The following SLC4A4 variants were observed in gnomAD, a reference collection of about 807,000 sequenced individuals.
The protein encoded by SLC4A4 is solute carrier family 4 member 4.
Under a neutral mutation model 111.5 loss-of-function variants are expected in SLC4A4, and 27 were observed. That is an observed-to-expected ratio of 0.24 (90% confidence interval 0.18 to 0.33). The LOEUF (loss-of-function observed/expected upper bound fraction) is 0.33. SLC4A4 is among the 10% of genes least tolerant of loss of function. The pLI, the probability that SLC4A4 is intolerant of heterozygous loss-of-function variation, is 1.00. For missense variants in SLC4A4, 909 were observed against 1,315.5 expected (o/e 0.69, Z 4.78); for synonymous variants, 443 against 463.4 (o/e 0.96, Z 0.57).
intron 3 of SLC4A4, among the ~76,000 whole-genome samples, chr4:71,335,838 A>T (rs1728396649): frequency 6.6e-6 from 1 of 151,966 alleles, no homozygotes; most frequent in African/African-American, 2.4e-5. Flanking sequence ...AAAAAAAAAA[A>T]TTTCTAATCA....
At chr4:71,089,329 G>T (rs546314761) in intron 1 of SLC4A4, among the ~76,000 whole-genome samples, 33 of 151,948 alleles carry the variant, frequency 2.2e-4, no homozygotes, top group African/African-American at 7.7e-4. Flanking sequence ...TAACTTCTTT[G>T]CCATGGGTTC....
chr4:71,407,315 G>A (rs1402491379), intron 7 of SLC4A4, among the ~76,000 whole-genome samples: 4 of 152,148 alleles, frequency 2.6e-5, no homozygotes, highest in Admixed American at 2.0e-4. Flanking sequence ...AATACTCAAT[G>A]TTATGTGCTG....
intron 1 of SLC4A4, among the ~76,000 whole-genome samples, chr4:71,070,741 G>A (rs938336483): frequency 1.3e-5 from 2 of 152,134 alleles, no homozygotes; most frequent in Admixed American, 1.3e-4. Flanking sequence ...AAAAGAAATC[G>A]AGGACATTTA....
chr4:71,228,070 A>G (rs570600939), intron 1 of SLC4A4, among the ~76,000 whole-genome samples: 1 of 152,288 alleles, frequency 6.6e-6, no homozygotes, highest in African/African-American at 2.4e-5. Flanking sequence ...CTGAGGAGTC[A>G]TGAATGAAGT....
chr4:71,506,917 C>T (rs1345643562), intron 16 of SLC4A4, among the ~76,000 whole-genome samples: 1 of 152,000 alleles, frequency 6.6e-6, no homozygotes, highest in African/African-American at 2.4e-5. Flanking sequence ...TCCTATGAGC[C>T]AGAAGAGATT....
chr4:71,526,135 C>A (rs1332395646), intron 16 of SLC4A4, among the ~76,000 whole-genome samples: 1 of 151,938 alleles, frequency 6.6e-6, no homozygotes, highest in African/African-American at 2.4e-5. Flanking sequence ...GAATAGCCTG[C>A]TAAAATAGCA....
chr4:71,234,029 C>T (rs1220562814), intron 1 of SLC4A4, among the ~76,000 whole-genome samples: 1 of 152,192 alleles, frequency 6.6e-6, no homozygotes, highest in Non-Finnish European at 1.5e-5. Flanking sequence ...ACATCCTAAA[C>T]TTGTCTTCAC....
intron 5 of SLC4A4, among the ~76,000 whole-genome samples, chr4:71,352,127 G>T (rs1729897352): frequency 6.6e-6 from 1 of 152,144 alleles, no homozygotes; most frequent in Non-Finnish European, 1.5e-5. Flanking sequence ...AAGAAAGATT[G>T]TTATCCAGAA....
At chr4:71,460,934 T>G (rs1726764053) in intron 12 of SLC4A4, among the ~76,000 whole-genome samples, 1 of 152,176 alleles carries the variant, frequency 6.6e-6, no homozygotes, top group South Asian at 2.1e-4. Flanking sequence ...CTTTAGATAC[T>G]TGAATCATTT....
chr4:71,350,277 A>T (rs560129112), intron 5 of SLC4A4, among the ~76,000 whole-genome samples: 2 of 152,304 alleles, frequency 1.3e-5, no homozygotes, highest in South Asian at 4.1e-4. Flanking sequence ...ACTATCTTCC[A>T]TAACATCTTC....
chr4:71,542,769 T>G (rs1735179178), intron 18 of SLC4A4, among the ~76,000 whole-genome samples: 1 of 152,104 alleles, frequency 6.6e-6, no homozygotes, highest in South Asian at 2.1e-4. Context: ...CACTGTGGTT[T>G]TATAAACACC....
chr4:71,086,625 A>G (rs1331962605), intron 1 of SLC4A4, among the ~76,000 whole-genome samples: 4 of 151,946 alleles, frequency 2.6e-5, no homozygotes, highest in Admixed American at 6.6e-5. Flanking sequence ...GGGTTGTTGA[A>G]TTTTGTCAAA....
chr4:71,177,134 A>T (rs1745120453), intron 2 of SLC4A4, among the ~76,000 whole-genome samples: 1 of 152,176 alleles, frequency 6.6e-6, no homozygotes, highest in Admixed American at 6.5e-5. Flanking sequence ...ATACTGAGAG[A>T]TTTTGTCACC....
chr4:71,449,532 A>C (rs1057374026), intron 9 of SLC4A4, among the ~76,000 whole-genome samples: 5 of 152,118 alleles, frequency 3.3e-5, no homozygotes, highest in African/African-American at 4.8e-5. Context: ...CAGACTGTTA[A>C]ATGTTACTTA....
intron 2 of SLC4A4, among the ~76,000 whole-genome samples, chr4:71,159,947 T>C (rs778282493): frequency 6.6e-6 from 1 of 152,170 alleles, no homozygotes; most frequent in Non-Finnish European, 1.5e-5. Context: ...TTTTCTATAG[T>C]ATAGTTCAGA....
chr4:71,084,720 C>G (rs936189294), intron 1 of SLC4A4, among the ~76,000 whole-genome samples: 1 of 152,068 alleles, frequency 6.6e-6, no homozygotes, highest in African/African-American at 2.4e-5. Flanking sequence ...CATGTCCCTA[C>G]AAAGGACACG....
At chr4:71,462,400 G>C (rs541414647) in intron 12 of SLC4A4, among the ~76,000 whole-genome samples, 1 of 149,600 alleles carries the variant, frequency 6.7e-6, no homozygotes, top group African/African-American at 2.5e-5. Context: ...AGATTATCCA[G>C]TCCAACCTCC....
chr4:71,557,593 T>A, intron 21 of SLC4A4, 119 bp from the exon 22 acceptor site: 4 of 962,850 alleles, frequency 4.2e-6, no homozygotes, highest in Non-Finnish European at 6.5e-6. Flanking sequence ...CATTCCTTTG[T>A]CCTCTGAAAA....
intron 14 of SLC4A4, among the ~76,000 whole-genome samples, chr4:71,483,386 C>G (rs1465966884): frequency 6.6e-6 from 1 of 151,940 alleles, no homozygotes; most frequent in African/African-American, 2.4e-5. Flanking sequence ...CATGTGTTCT[C>G]ATCATTTAGC....
Sources: allele counts gnomAD v4.1 joint callset (sites outside exome capture counted in the v4.1 genomes callset), GRCh38; gene constraint gnomAD v4.1.1; transcripts MANE v1.5; gene names NCBI Gene and HGNC (gene_info 2026-07-23, HGNC 2026-07-21).